The following AGBL1 variants were observed in gnomAD, a reference collection of about 807,000 sequenced individuals.
AGBL1 encodes cytosolic carboxypeptidase 4.
In AGBL1, 130 loss-of-function variants were observed where a neutral mutation model predicts 118.9. That is an observed-to-expected ratio of 1.09 (90% CI 0.95 to 1.26). The LOEUF (loss-of-function observed/expected upper bound fraction) is 1.26, where lower values mean the gene tolerates loss of function less well. Among genes scored for constraint, AGBL1 ranks in the 50% most tolerant of loss-of-function variants. The pLI is 0.00. For synonymous variants in AGBL1, 555 were observed against 478.9 expected (o/e 1.16, Z -2.08); for missense variants, 1,584 against 1,298.1 (o/e 1.22, Z -3.38).
chr15:86,301,498 A>G (rs1412225310), intron 17 of AGBL1, among the ~76,000 whole-genome samples: 1 of 151,940 alleles, frequency 6.6e-6, no homozygotes, highest in African/African-American at 2.4e-5. Context: ...GGAAATCTTT[A>G]ATAAAAGAAG....
chr15:86,509,875 C>G (rs1381870668), intron 18 of AGBL1, among the ~76,000 whole-genome samples: 3 of 151,866 alleles, frequency 2.0e-5, no homozygotes, highest in Non-Finnish European at 2.9e-5. Flanking sequence ...AACAACATCT[C>G]TGAGCCAACC....
At chr15:86,564,863 C>T (rs1160234530) in intron 21 of AGBL1, among the ~76,000 whole-genome samples, 3 of 152,274 alleles carry the variant, frequency 2.0e-5, no homozygotes, top group African/African-American at 7.2e-5. Flanking sequence ...CTTCTCTTCT[C>T]CCTTCATTTC....
intron 18 of AGBL1, among the ~76,000 whole-genome samples, chr15:86,505,529 C>A (rs2881462): frequency 1.9e-3 from 282 of 151,930 alleles, no homozygotes; most frequent in African/African-American, 6.6e-3. Context: ...TTTCTGTCTG[C>A]GCAAAACTTC....
intron 22 of AGBL1, among the ~76,000 whole-genome samples, chr15:86,793,277 C>G (rs556947688): frequency 6.6e-6 from 1 of 152,148 alleles, no homozygotes; most frequent in Non-Finnish European, 1.5e-5. Flanking sequence ...GGAAGACTGG[C>G]ATAACTCTAG....
intron 18 of AGBL1, among the ~76,000 whole-genome samples, chr15:86,421,883 T>G (rs1040717311): frequency 2.0e-5 from 3 of 152,168 alleles, no homozygotes; most frequent in Non-Finnish European, 4.4e-5. Context: ...AAGGGATCAA[T>G]GCAACAAGAA....
In AGBL1 at chr15:86,720,761, C is replaced by A. The variant is rs188700025; in HGVS notation, c.3158+46325C>A. Among the ~76,000 whole-genome samples, 386 of 151,980 alleles carry A rather than the reference C, an allele frequency of 2.5e-3. 2 individuals carry two copies. The highest frequency in any genetic ancestry group is 3.4e-3 in the Middle Eastern group (1 of 294). ...GGAAGTGGATAGATCGCTAGCAAGA[C>A]TAATAAAGAAGAAAAGAAGAACCAA... On this transcript the variant is annotated intron_variant, in intron 22 of 22. Coordinates refer to ENST00000614907, the MANE Select transcript of AGBL1 (RefSeq NM_001386094.1).
intron 23 of AGBL1, among the ~76,000 whole-genome samples, chr15:86,945,632 C>A (rs1203301817): frequency 6.6e-6 from 1 of 152,124 alleles, no homozygotes; most frequent in African/African-American, 2.4e-5. Context: ...GAGATTGTGC[C>A]ACTGCACTTC....
chr15:87,015,212 C>T (rs1177118562), intron 24 of AGBL1, among the ~76,000 whole-genome samples: 1 of 152,142 alleles, frequency 6.6e-6, no homozygotes, highest in Admixed American at 6.6e-5. Context: ...AATTACACCA[C>T]CAGCTTCTTT....
At chr15:86,684,902 A>C (rs2086026987) in intron 22 of AGBL1, among the ~76,000 whole-genome samples, 1 of 152,186 alleles carries the variant, frequency 6.6e-6, no homozygotes, top group Non-Finnish European at 1.5e-5. Context: ...AATTATGCTA[A>C]GTGGCAAACA....
intron 22 of AGBL1, among the ~76,000 whole-genome samples, chr15:86,867,591 A>G (rs994953336): frequency 2.6e-5 from 4 of 152,162 alleles, no homozygotes; most frequent in Admixed American, 6.6e-5. Flanking sequence ...AAATAGAAAC[A>G]TGTCATGTGA....
chr15:86,421,168 C>G (rs2081784487), intron 18 of AGBL1, among the ~76,000 whole-genome samples: 1 of 152,082 alleles, frequency 6.6e-6, no homozygotes, highest in African/African-American at 2.4e-5. Flanking sequence ...CCGTCAGATT[C>G]ACCAAGGCTG....
At chr15:86,566,984 G>T (rs762367394) in intron 21 of AGBL1, among the ~76,000 whole-genome samples, 17 of 152,098 alleles carry the variant, frequency 1.1e-4, no homozygotes, top group African/African-American at 4.1e-4. Flanking sequence ...TCATGGAGAT[G>T]CTATAAAGAC....
chr15:86,490,780 C>T (rs1470071629), intron 18 of AGBL1, among the ~76,000 whole-genome samples: 1 of 152,052 alleles, frequency 6.6e-6, no homozygotes, highest in Non-Finnish European at 1.5e-5. Context: ...GTGGCACCTG[C>T]TGTATTAAAA....
At position 86,256,959 on chromosome 15, in the gene AGBL1, C is replaced by A; in HGVS notation, c.842C>A (p.Ala281Asp). ...SPLPLVTASS[A>D]YAFPVPGCIT... ...CTTCCCTTGGTCACAGCCAGCAGTG[C>A]CTATGCCTTCCCGGTCCCCGGGTGC... is the stretch of plus-strand genomic sequence containing the variant. The change falls in exon 8 of 23, where the codon GCC (alanine) becomes GAC (aspartate). Residue 281 changes from alanine (A) to aspartate (D), a missense_variant. Ala to Asp is a moderately radical substitution (Grantham distance 126). Coordinates refer to ENST00000614907, the MANE Select transcript of AGBL1 (RefSeq NM_001386094.1). 6.2e-7 allele frequency: 1 copy of A among 1,613,926 alleles called. No individual in the cohort carries two copies. Among genetic ancestry groups the A allele is most frequent in the Non-Finnish European group, 8.5e-7 (1 of 1,179,864 alleles).
At chr15:86,515,426 T>C (rs914651650) in intron 18 of AGBL1, among the ~76,000 whole-genome samples, 3 of 152,182 alleles carry the variant, frequency 2.0e-5, no homozygotes, top group African/African-American at 7.2e-5. Flanking sequence ...ATTCTTATTT[T>C]CTTGATTGTC....
chr15:86,111,133 T>C (rs1897356650), intron 1 of AGBL1, among the ~76,000 whole-genome samples: 4 of 152,256 alleles, frequency 2.6e-5, no homozygotes. Context: ...ATGCCCCGGT[T>C]GGTCCTGAGC....
rs1354331156 is a variant in AGBL1, at chr15:86,615,844, GA to G, written c.2995-58424del. Among the ~76,000 whole-genome samples, 1 of 151,990 alleles carries G rather than the reference GA, an allele frequency of 6.6e-6. No individual in the cohort carries two copies. The highest frequency in any genetic ancestry group is 1.5e-5 in the Non-Finnish European group (1 of 68,002). On this transcript the variant is annotated intron_variant, in intron 21 of 22. Transcript: ENST00000614907. The surrounding 1 kb of genome is among the most constrained non-coding windows in gnomAD (Gnocchi z 4.3). ...ACTCAGGGAAAGACTGTTGTAAAAT[GA>G]AAAATTAATTAATAGGGATGACAGT...
chr15:86,790,702 T>C (rs2078480600), intron 22 of AGBL1, among the ~76,000 whole-genome samples: 1 of 152,114 alleles, frequency 6.6e-6, no homozygotes, highest in Non-Finnish European at 1.5e-5. Context: ...AGCAACTTAC[T>C]CTCAGGACTG....
At chr15:86,131,040 C>A (rs954853242) in intron 1 of AGBL1, among the ~76,000 whole-genome samples, 1 of 152,178 alleles carries the variant, frequency 6.6e-6, no homozygotes, top group Non-Finnish European at 1.5e-5. Flanking sequence ...TACTGGACCA[C>A]CATATGGGTC....
Sources: allele counts gnomAD v4.1 joint callset (sites outside exome capture counted in the v4.1 genomes callset), GRCh38; gene constraint gnomAD v4.1.1; non-coding constraint Gnocchi (gnomAD v3.1); transcripts MANE v1.5; gene names NCBI Gene and HGNC (gene_info 2026-07-23, HGNC 2026-07-21).